The following PIERCE2 variants were observed in gnomAD, a reference collection of about 807,000 sequenced individuals.
PIERCE2 encodes piercer of microtubule wall 2.
the PIERCE2 span, among the ~76,000 whole-genome samples, chr15:55,414,966 CTATT>C: frequency 2.0e-5 from 3 of 152,134 alleles, no homozygotes; most frequent in East Asian, 1.9e-4. Flanking sequence ...AACAAAAAGT[CTATT>C]TATACTAACA....
chr15:55,408,785 G>C, the PIERCE2 span: 1 of 1,523,246 alleles, frequency 6.6e-7, no homozygotes, highest in Non-Finnish European at 8.8e-7. Flanking sequence ...GACCGCAACC[G>C]GGTGAGTTTA....
the PIERCE2 span, chr15:55,418,262 A>G: frequency 1.0e-5 from 16 of 1,555,474 alleles, no homozygotes; most frequent in South Asian, 1.8e-4. Flanking sequence ...AGACACAGAA[A>G]TGAAATCTGA....
At chr15:55,409,277 G>T in the PIERCE2 span, among the ~76,000 whole-genome samples, 1 of 152,064 alleles carries the variant, frequency 6.6e-6, no homozygotes, top group African/African-American at 2.4e-5. Flanking sequence ...AGGTGGCGCG[G>T]GCCTGTAATC....
the PIERCE2 span, among the ~76,000 whole-genome samples, chr15:55,413,128 C>A: frequency 3.6e-4 from 55 of 152,170 alleles, no homozygotes; most frequent in African/African-American, 1.3e-3. Flanking sequence ...ATTAGCCGGG[C>A]ACGGTGGCTG....
chr15:55,413,548 C>T, the PIERCE2 span, among the ~76,000 whole-genome samples: 16 of 151,960 alleles, frequency 1.1e-4, no homozygotes, highest in Admixed American at 5.9e-4. Context: ...CACTTGAGGT[C>T]GGGAGTTTGA....
the PIERCE2 span, chr15:55,408,750 T>G: frequency 1.7e-5 from 26 of 1,527,862 alleles, no homozygotes; most frequent in Non-Finnish European, 2.2e-5. Context: ...GCCGAAAAAA[T>G]TAACAAAGAA....
chr15:55,416,567 G>A, the PIERCE2 span, among the ~76,000 whole-genome samples: 6 of 152,072 alleles, frequency 3.9e-5, no homozygotes, highest in African/African-American at 1.4e-4. Context: ...TGTTTGTCCA[G>A]AAACCTGGAA....
the PIERCE2 span, chr15:55,418,730 T>C: frequency 1.9e-6 from 1 of 533,970 alleles, no homozygotes; most frequent in African/African-American, 1.9e-5. Flanking sequence ...ACAGTGACTT[T>C]TTAAATGAAA....
chr15:55,413,251 G>C, the PIERCE2 span, among the ~76,000 whole-genome samples: 1 of 148,106 alleles, frequency 6.8e-6, no homozygotes, highest in African/African-American at 2.5e-5. Flanking sequence ...CTGGGCAAAA[G>C]AGTGAGACTC....
At chr15:55,418,649 A>G in the PIERCE2 span, 1 of 975,752 alleles carries the variant, frequency 1.0e-6, no homozygotes, top group Middle Eastern at 3.2e-4. Flanking sequence ...AATACCTAAT[A>G]AAGAAGATAA....
chr15:55,418,288 T>G, the PIERCE2 span: 3 of 1,550,702 alleles, frequency 1.9e-6, no homozygotes, highest in Non-Finnish European at 2.6e-6. Flanking sequence ...TGCCTCCTTG[T>G]GTGAACCCTG....
chr15:55,415,095 A>G, the PIERCE2 span, among the ~76,000 whole-genome samples: 3 of 152,210 alleles, frequency 2.0e-5, no homozygotes, highest in Non-Finnish European at 4.4e-5. Context: ...ATTTAAGAAA[A>G]TAAGCTATTT....
chr15:55,415,371 G>A, the PIERCE2 span, among the ~76,000 whole-genome samples: 2 of 151,004 alleles, frequency 1.3e-5, no homozygotes, highest in African/African-American at 2.4e-5. Context: ...CAGGACAATC[G>A]CTTGAACCTG....
At chr15:55,413,267 CAAA>C in the PIERCE2 span, among the ~76,000 whole-genome samples, 1 of 123,386 alleles carries the variant, frequency 8.1e-6, no homozygotes, top group East Asian at 2.5e-4. Context: ...GACTCCGTCT[CAAA>C]AAAAAAAAAA....
chr15:55,409,527 C>A, the PIERCE2 span, among the ~76,000 whole-genome samples: 2 of 152,046 alleles, frequency 1.3e-5, no homozygotes, highest in Non-Finnish European at 2.9e-5. Flanking sequence ...TAATAATAAA[C>A]GTAAACATTA....
At chr15:55,416,111 G>T in the PIERCE2 span, among the ~76,000 whole-genome samples, 119 of 137,674 alleles carry the variant, frequency 8.6e-4, no homozygotes, top group South Asian at 1.0e-2. Flanking sequence ...TATATAGAGA[G>T]AGAGAGAGAT....
At chr15:55,412,390 A>G in the PIERCE2 span, among the ~76,000 whole-genome samples, 2 of 152,282 alleles carry the variant, frequency 1.3e-5, no homozygotes, top group Admixed American at 1.3e-4. Context: ...TTCTGCCTCA[A>G]GTTTATAAGG....
chr15:55,415,529 A>G, the PIERCE2 span, among the ~76,000 whole-genome samples: 2 of 152,054 alleles, frequency 1.3e-5, no homozygotes, highest in African/African-American at 4.8e-5. Context: ...CCCGTCTCCA[A>G]CAACCTAGCT....
At chr15:55,415,863 T>G in the PIERCE2 span, among the ~76,000 whole-genome samples, 1 of 152,152 alleles carries the variant, frequency 6.6e-6, no homozygotes, top group Admixed American at 6.6e-5. Flanking sequence ...AAATTGGGCA[T>G]AAGACAATAT....
Sources: allele counts gnomAD v4.1 joint callset (sites outside exome capture counted in the v4.1 genomes callset), GRCh38; gene constraint gnomAD v4.1.1; transcripts MANE v1.5; gene names NCBI Gene and HGNC (gene_info 2026-07-23, HGNC 2026-07-21).